The following ANO7 variants were observed in gnomAD, a reference collection of about 807,000 sequenced individuals.
ANO7 encodes anoctamin-7.
In ANO7, 114 loss-of-function variants were observed where a neutral mutation model predicts 115.8. The ratio of observed to expected loss-of-function variants is 0.98; its 90% CI spans 0.85 to 1.15. The LOEUF (loss-of-function observed/expected upper bound fraction) is 1.15, where lower values mean the gene tolerates loss of function less well. Among genes scored for constraint, ANO7 ranks in the 50% most tolerant of loss-of-function variants. The pLI is 0.00. For missense variants in ANO7, 1,302 were observed against 1,201.2 expected, an observed-to-expected ratio of 1.08 and a Z score of -1.24; for synonymous variants, 550 against 498.2, an observed-to-expected ratio of 1.10 and a Z score of -1.38.
intron 21 of ANO7, 93 bp from the exon 22 acceptor site, chr2:241,223,093 G>A: frequency 8.8e-7 from 1 of 1,133,386 alleles, no homozygotes; most frequent in Non-Finnish European, 1.3e-6. Flanking sequence ...AGAGCGAAAT[G>A]GTGGAAAAAG....
intron 7 of ANO7, 146 bp downstream of exon 7, chr2:241,201,501 G>C (rs1055477899): frequency 4.6e-6 from 4 of 861,068 alleles, no homozygotes; most frequent in Non-Finnish European, 3.5e-6. Context: ...AACTTTAGAG[G>C]CTGACCTCAC....
chr2:241,209,111 T>C lies in ANO7; in HGVS notation c.1078-174T>C, dbSNP rs186082185. Among the ~76,000 whole-genome samples the C allele has an allele frequency of 1.2e-4, 18 of 152,284 alleles. No homozygotes were observed. The South Asian group carries it at 1.2e-3, about 11-fold the overall frequency. On this transcript the variant is annotated intron_variant, in intron 11 of 24. Transcript: ENST00000674324. ...GTGCAGTGAGCCGAGATCGCGCCAC[T>C]GCACTCCAGCCTGGGTGACAGAGCC...
the ANO7 span, chr2:241,234,098 A>G: frequency 1.0e-6 from 1 of 978,644 alleles, no homozygotes. Flanking sequence ...ATGGTCCGCC[A>G]TCTCTCTGGT....
chr2:241,210,624 C>T (rs2068701016), intron 15 of ANO7, 54 bp downstream of exon 15: 1 of 1,463,136 alleles, frequency 6.8e-7, no homozygotes, highest in Non-Finnish European at 9.6e-7. Context: ...CTGCCGGCCG[C>T]CAGCCAGAAC....
In ANO7 at chr2:241,224,095, A is replaced by C. The variant is rs775840204; in HGVS notation, c.2584-2A>C. 3 of 1,613,908 alleles carry C rather than the reference A, an allele frequency of 1.9e-6. No individual in the cohort carries two copies. In the South Asian group the frequency reaches 3.3e-5, roughly 18 times the overall value. ...TGTCCCTGCCCCCAACCCTCTCCCC[A>C]GCTCAGCTCCCACTGGACACCCTTC... On this transcript the variant is annotated splice_acceptor_variant, in intron 24 of 24. Coordinates refer to ENST00000674324, the MANE Select transcript of ANO7 (RefSeq NM_001370694.2). LOFTEE classifies it high-confidence loss of function.
At chr2:241,235,880 C>T in the ANO7 span, among the ~76,000 whole-genome samples, 1 of 152,206 alleles carries the variant, frequency 6.6e-6, no homozygotes, top group African/African-American at 2.4e-5. Context: ...GCCCTGACTC[C>T]TGGCACATCC....
downstream of ANO7, chr2:241,229,909 G>A (rs1225978697): frequency 6.2e-7 from 1 of 1,600,166 alleles, no homozygotes; most frequent in South Asian, 1.1e-5. Flanking sequence ...CTCTTCGTGT[G>A]CTGGGGGTTT....
At chr2:241,216,902 C>A (rs969406999) in intron 19 of ANO7, among the ~76,000 whole-genome samples, 1 of 152,218 alleles carries the variant, frequency 6.6e-6, no homozygotes, top group Non-Finnish European at 1.5e-5. Context: ...GGCGCCATCT[C>A]GGCTCACTCC....
intron 3 of ANO7, among the ~76,000 whole-genome samples, chr2:241,194,509 G>A (rs902803561): frequency 2.6e-5 from 4 of 151,534 alleles, no homozygotes; most frequent in African/African-American, 7.3e-5. Flanking sequence ...TAGTAGATAT[G>A]GGGTTTCACC....
the ANO7 span, chr2:241,238,687 C>T: frequency 2.5e-6 from 4 of 1,586,614 alleles, no homozygotes; most frequent in Admixed American, 1.7e-5. The surrounding 1 kb of genome is among the most constrained non-coding windows in gnomAD (Gnocchi z 4.9). Flanking sequence ...AATTTGAACA[C>T]TGAAATCCCG....
Position 241,209,512 on chromosome 2 carries a change from C to G in ANO7, c.1236C>G (p.Pro412=), listed in dbSNP as rs545281192. 6.3e-7 allele frequency: 1 copy of G among 1,591,452 alleles called. No individual in the cohort carries two copies. Among genetic ancestry groups the G allele is most frequent in the Non-Finnish European group, 8.6e-7 (1 of 1,168,662 alleles). The change falls in exon 13 of 25, where the codon CCC becomes CCG. Residue 412 remains proline, a synonymous_variant. Coordinates refer to ENST00000674324, the MANE Select transcript of ANO7 (RefSeq NM_001370694.2). ...DYEDTEERPR[P]QFAASAPMTA... is the part of the protein sequence containing the mutation. ...CTCCCTTCCAGGAGAGGCCTCGGCC[C>G]CAGTTTGCCGCCTCAGCCCCCATGA...
At chr2:241,219,536 G>A (rs1375470349) in intron 21 of ANO7, among the ~76,000 whole-genome samples, 1 of 150,990 alleles carries the variant, frequency 6.6e-6, no homozygotes, top group African/African-American at 2.4e-5. Context: ...ATTATTTTAG[G>A]GGTTACTCAT....
In ANO7 at chr2:241,224,446, C is replaced by A; in HGVS notation, c.*293C>A. 1 of 446,250 alleles carries A rather than the reference C, an allele frequency of 2.2e-6. No homozygotes were observed. 27.6% of individuals were successfully genotyped at this position (446,250 alleles called of 1,614,324 possible). A position where few individuals can be genotyped will look rare whatever the true frequency, so the allele number is the denominator to read the frequency against. On this transcript the variant is annotated 3_prime_UTR_variant, in exon 25 of 25. Transcript: ENST00000674324. ...CCAAGGGACCCTGTCCCTCGGTGGC[C>A]TCCCCAGGCCCCTGGACACGACAGT...
At chr2:241,193,388 C>T (rs773686944) in intron 3 of ANO7, among the ~76,000 whole-genome samples, 66 of 152,110 alleles carry the variant, frequency 4.3e-4, no homozygotes, top group South Asian at 8.3e-4. Flanking sequence ...TTTTTTAAAA[C>T]GTAGACAGCC....
chr2:241,218,331 G>C lies in ANO7; in HGVS notation c.2271G>C (p.Thr757=), dbSNP rs754599210. ...ACCTGCGCGGCTTCCTCAACTTCAC[G>C]CTGGCGCGAGCCCCGTCCTCCTTCG... is the stretch of plus-strand genomic sequence containing the variant. ...AHDLRGFLNF[T]LARAPSSFAA... The change falls in exon 21 of 25, where the codon ACG becomes ACC. Residue 757 remains threonine, a synonymous_variant. Transcript: ENST00000674324. 48 of 1,504,182 alleles carry C rather than the reference G, an allele frequency of 3.2e-5. No individual in the cohort carries two copies. In the East Asian group the frequency reaches 1.2e-3, roughly 36 times the overall value. 93.2% of individuals were successfully genotyped at this position (1,504,182 alleles called of 1,614,324 possible). A position where few individuals can be genotyped will look rare whatever the true frequency, so the allele number is the denominator to read the frequency against.
At chr2:241,208,223 A>C (rs548255608) in intron 11 of ANO7, among the ~76,000 whole-genome samples, 1 of 152,326 alleles carries the variant, frequency 6.6e-6, no homozygotes, top group Non-Finnish European at 1.5e-5. Context: ...CTGGGAATCC[A>C]CTTGGATGTT....
chr2:241,199,236 A>T, intron 4 of ANO7, 80 bp from the exon 5 acceptor site: 1 of 1,237,726 alleles, frequency 8.1e-7, no homozygotes, highest in Non-Finnish European at 1.2e-6. Flanking sequence ...GTCTTTTCCT[A>T]AGAGTGCGAA....
the ANO7 span, chr2:241,231,404 AAAAC>A: frequency 1.3e-5 from 2 of 153,156 alleles, no homozygotes; most frequent in Admixed American, 1.3e-4. Flanking sequence ...AAACAAAAAA[AAAAC>A]ACCCCACAAA....
rs2069098416 is a variant in ANO7 at position 241,224,116 on chromosome 2, C to T, written c.2603C>T (p.Pro868Leu). 1.9e-6 allele frequency: 3 copies of T among 1,614,096 alleles called. No individual in the cohort carries two copies. Among genetic ancestry groups the T allele is most frequent in the Non-Finnish European group, 2.5e-6 (3 of 1,180,002 alleles). ...CCCCAGCTCAGCTCCCACTGGACAC[C>T]CTTCACGGTTCCCAAGGCCAGCCAG... is the stretch of plus-strand genomic sequence containing the variant. ...EGSELSSHWTPFTVPKASQLQ... is the reference protein window; with the variant it reads ...EGSELSSHWTLFTVPKASQLQ... Residue 868 changes from proline (P) to leucine (L), a missense_variant, in exon 25 of 25, where the codon CCC becomes CTC. By Grantham distance (98) the Pro-to-Leu change is moderately conservative. Coordinates refer to ENST00000674324, the MANE Select transcript of ANO7 (RefSeq NM_001370694.2).
Sources: allele counts gnomAD v4.1 joint callset (sites outside exome capture counted in the v4.1 genomes callset), GRCh38; gene constraint gnomAD v4.1.1; non-coding constraint Gnocchi (gnomAD v3.1); transcripts MANE v1.5; gene names NCBI Gene and HGNC (gene_info 2026-07-23, HGNC 2026-07-21).